The following LHFPL2 variants were observed in gnomAD, a reference collection of about 807,000 sequenced individuals.
LHFPL2 encodes the protein LHFPL tetraspan subfamily member 2.
LHFPL2 carries 7 observed loss-of-function variants against 17.5 expected under a neutral mutation model. The ratio of observed to expected loss-of-function variants is 0.40; its 90% CI spans 0.23 to 0.75. The LOEUF is 0.75. Ranked by LOEUF, LHFPL2 falls within the 30% of genes least tolerant of loss-of-function variation. The pLI, the probability that LHFPL2 is intolerant of heterozygous loss-of-function variation, is 0.37. For synonymous variants in LHFPL2, 134 were observed against 116.2 expected (o/e 1.15, Z -0.99); for missense variants, 241 against 294.8 (o/e 0.82, Z 1.34).
chr5:78,584,891 C>G (rs62378363), intron 2 of LHFPL2, among the ~76,000 whole-genome samples: 33,213 of 151,784 alleles, frequency 0.22, 4,669 homozygotes, highest in Non-Finnish European at 0.33. Context: ...GCCTCGCTGC[C>G]GCCTTGCAGT....
intron 2 of LHFPL2, among the ~76,000 whole-genome samples, chr5:78,611,374 A>G (rs757933934): frequency 6.6e-6 from 1 of 152,146 alleles, no homozygotes; most frequent in Non-Finnish European, 1.5e-5. Flanking sequence ...CAGCTTCTGC[A>G]CTCCAGCAGG....
intron 3 of LHFPL2, among the ~76,000 whole-genome samples, chr5:78,541,362 T>C (rs1756108196): frequency 1.3e-5 from 2 of 151,992 alleles, no homozygotes; most frequent in African/African-American, 4.8e-5. Flanking sequence ...GTCTTAGGAG[T>C]GTTTCCTCTG....
chr5:78,509,818 G>A lies in LHFPL2; in HGVS notation c.396C>T (p.Ile132=), dbSNP rs1755048325. The change falls in exon 4 of 5, where the codon ATC becomes ATT. Residue 132 remains isoleucine (I), a synonymous_variant. Coordinates refer to ENST00000380345, the MANE Select transcript of LHFPL2 (RefSeq NM_005779.3). ...MCVQSIMKKS[I]FNVCGLLQGI... ...CTTGCAACAGCCCACAGACATTGAA[G>A]ATGCTTTTCTTCATGATGCTCTGTA... The A allele has an allele frequency of 6.2e-7, 1 of 1,613,524 alleles. No individual in the cohort carries two copies. Among genetic ancestry groups the A allele is most frequent in the Non-Finnish European group, 8.5e-7 (1 of 1,179,468 alleles).
Position 78,486,780 on chromosome 5 carries a change from G to A in LHFPL2, c.*2117C>T, listed in dbSNP as rs945566960. 6.6e-6 allele frequency: 1 copy of A among 152,182 alleles called. No homozygotes were observed. The highest frequency in any genetic ancestry group is 2.4e-5 in the African/African-American group (1 of 41,440). 9.4% of individuals were successfully genotyped at this position (152,182 alleles called of 1,614,324 possible). A position where few individuals can be genotyped will look rare whatever the true frequency, so the allele number is the denominator to read the frequency against. ...CACTGCCACCTTAGCCAAAGAGCAG[G>A]TGATGGACATGCTCGGAGGATCCTG... On this transcript the variant is annotated 3_prime_UTR_variant, in exon 5 of 5. Coordinates refer to ENST00000380345, the MANE Select transcript of LHFPL2 (RefSeq NM_005779.3).
chr5:78,583,099 T>A (rs1743211619), intron 2 of LHFPL2, among the ~76,000 whole-genome samples: 1 of 152,068 alleles, frequency 6.6e-6, no homozygotes, highest in South Asian at 2.1e-4. Flanking sequence ...AGACTAGGAT[T>A]GCAACCCCTG....
intron 1 of LHFPL2, among the ~76,000 whole-genome samples, chr5:78,647,512 T>C (rs774170617): frequency 6.6e-6 from 1 of 152,150 alleles, no homozygotes; most frequent in African/African-American, 2.4e-5. Flanking sequence ...ACACTTTCCA[T>C]AGCGGCCGCG....
In LHFPL2 at chr5:78,571,310, T is replaced by C. The variant is rs953818412; in HGVS notation, c.-244-6439A>G. On this transcript the variant is annotated intron_variant, in intron 2 of 4. Transcript: ENST00000380345. The stretch of plus-strand genomic sequence containing the variant: ...CCCAGGGCATCTGCCTCTGTAACTA[T>C]TTTGCCTCTATATCCTTCCCAACTC... Among the ~76,000 whole-genome samples, 8 of 152,098 alleles carry C rather than the reference T, an allele frequency of 5.3e-5. No individual in the cohort carries two copies. In the South Asian group the frequency reaches 8.3e-4, roughly 16 times the overall value.
chr5:78,557,211 G>A (rs1269021238), intron 3 of LHFPL2, among the ~76,000 whole-genome samples: 1 of 152,202 alleles, frequency 6.6e-6, no homozygotes, highest in Non-Finnish European at 1.5e-5. Flanking sequence ...ATACAACACA[G>A]AATACCACAG....
At chr5:78,498,034 G>A (rs1157724028) in intron 4 of LHFPL2, among the ~76,000 whole-genome samples, 3 of 152,312 alleles carry the variant, frequency 2.0e-5, no homozygotes, top group South Asian at 2.1e-4. Flanking sequence ...AGCAGCACGC[G>A]GGAGAAGGAC....
chr5:78,505,880 T>C (rs533333179), intron 4 of LHFPL2, among the ~76,000 whole-genome samples: 96 of 152,354 alleles, frequency 6.3e-4, no homozygotes, highest in African/African-American at 2.2e-3. Flanking sequence ...TATAAACCTA[T>C]TGTTATGCCC....
At chr5:78,492,703 A>AGAG (rs1754484988) in intron 4 of LHFPL2, among the ~76,000 whole-genome samples, 1 of 152,226 alleles carries the variant, frequency 6.6e-6, no homozygotes, top group Non-Finnish European at 1.5e-5. Flanking sequence ...AAGTCACATA[A>AGAG]GAGTGCCATG....
intron 3 of LHFPL2, among the ~76,000 whole-genome samples, chr5:78,536,935 T>C (rs1025122879): frequency 6.6e-6 from 1 of 152,182 alleles, no homozygotes; most frequent in Admixed American, 6.5e-5. Flanking sequence ...CCGCCTTCAG[T>C]CTTCCTTAAA....
intron 4 of LHFPL2, among the ~76,000 whole-genome samples, chr5:78,491,968 T>G (rs917503830): frequency 6.6e-6 from 1 of 152,232 alleles, no homozygotes; most frequent in South Asian, 2.1e-4. Context: ...AGCTGAGATC[T>G]TAAATGATTT....
chr5:78,501,797 C>T (rs1754783297), intron 4 of LHFPL2, among the ~76,000 whole-genome samples: 2 of 152,182 alleles, frequency 1.3e-5, no homozygotes, highest in African/African-American at 4.8e-5. Context: ...ACTCATTTAG[C>T]TCCAGGGGCC....
At chr5:78,591,414 T>A (rs1743623488) in intron 2 of LHFPL2, among the ~76,000 whole-genome samples, 1 of 152,198 alleles carries the variant, frequency 6.6e-6, no homozygotes, top group African/African-American at 2.4e-5. Context: ...ACAAAAGGCT[T>A]ACTAAAATGT....
At chr5:78,642,975 C>T (rs180902053) in intron 1 of LHFPL2, among the ~76,000 whole-genome samples, 1 of 152,170 alleles carries the variant, frequency 6.6e-6, no homozygotes, top group Non-Finnish European at 1.5e-5. Context: ...CTTGTTCCCC[C>T]CCCTCCTTGT....
intron 2 of LHFPL2, among the ~76,000 whole-genome samples, chr5:78,585,840 T>C (rs1426857695): frequency 6.6e-6 from 1 of 151,982 alleles, no homozygotes; most frequent in Non-Finnish European, 1.5e-5. Context: ...ATGGGGAGAC[T>C]GGGTTGGGGT....
intron 4 of LHFPL2, among the ~76,000 whole-genome samples, chr5:78,503,197 TAAA>T (rs2112309263): frequency 6.6e-6 from 1 of 152,388 alleles, no homozygotes; most frequent in Admixed American, 6.5e-5. Context: ...ACTGCTCATG[TAAA>T]TATTCAGGGC....
At chr5:78,504,261 G>A (rs925202289) in intron 4 of LHFPL2, among the ~76,000 whole-genome samples, 2 of 152,138 alleles carry the variant, frequency 1.3e-5, no homozygotes, top group African/African-American at 4.8e-5. Flanking sequence ...CCTCTTTGAG[G>A]GTGTTCTGAA....
Sources: allele counts gnomAD v4.1 joint callset (sites outside exome capture counted in the v4.1 genomes callset), GRCh38; gene constraint gnomAD v4.1.1; transcripts MANE v1.5; gene names NCBI Gene and HGNC (gene_info 2026-07-23, HGNC 2026-07-21).